The following HTR2B variants were observed in gnomAD, a reference collection of about 807,000 sequenced individuals.
HTR2B encodes the protein 5-hydroxytryptamine receptor 2B.
Under a neutral mutation model 39.8 loss-of-function variants are expected in HTR2B, and 31 were observed. The observed-to-expected ratio is 0.78, with a 90% CI of 0.58 to 1.05. HTR2B has a LOEUF of 1.05. Ranked by LOEUF, HTR2B falls within the 50% of genes least tolerant of loss-of-function variation. The pLI, the probability that HTR2B is intolerant of heterozygous loss-of-function variation, is 0.00. For synonymous variants in HTR2B, 210 were observed against 207.1 expected, an observed-to-expected ratio of 1.01 and a Z score of -0.12; for missense variants, 562 against 578.0, an observed-to-expected ratio of 0.97 and a Z score of 0.28.
chr2:231,121,879 G>T (rs1045950242), intron 2 of HTR2B, among the ~76,000 whole-genome samples: 7 of 152,210 alleles, frequency 4.6e-5, no homozygotes, highest in South Asian at 2.1e-4. Flanking sequence ...CATTTTCTGT[G>T]TGCCTAGCAA....
chr2:231,118,335 G>A (rs1695415066), intron 2 of HTR2B, among the ~76,000 whole-genome samples: 1 of 152,134 alleles, frequency 6.6e-6, no homozygotes, highest in African/African-American at 2.4e-5. Flanking sequence ...TGAAATAAGA[G>A]TGTTTGTCTT....
chr2:231,117,621 T>C (rs1695389273), intron 2 of HTR2B, among the ~76,000 whole-genome samples: 1 of 152,122 alleles, frequency 6.6e-6, no homozygotes, highest in South Asian at 2.1e-4. Flanking sequence ...AAGACTGCTT[T>C]AAATTCTGCC....
intron 3 of HTR2B, among the ~76,000 whole-genome samples, chr2:231,110,909 T>C (rs774971051): frequency 6.6e-6 from 1 of 152,234 alleles, no homozygotes; most frequent in Non-Finnish European, 1.5e-5. Context: ...TTACCCTTTA[T>C]AGAAAAAGTT....
intron 3 of HTR2B, among the ~76,000 whole-genome samples, chr2:231,110,604 T>C (rs1194066037): frequency 6.6e-6 from 1 of 152,192 alleles, no homozygotes; most frequent in East Asian, 1.9e-4. Context: ...TAAAGAGCCA[T>C]TGACAAGAAT....
chr2:231,123,660 CTG>C lies in HTR2B; in HGVS notation c.103_104del (p.Gln35AspfsTer13). On this transcript the variant is annotated frameshift_variant, in exon 2 of 4. Coordinates refer to ENST00000258400, the MANE Select transcript of HTR2B (RefSeq NM_000867.5). LOFTEE classifies it high-confidence loss of function. ...TCATTTCCTCTGGTATTGATTCTGTCTGTAATCCAGACCAGTTAGAAGAGATA... is the reference window on the plus strand; with the variant it reads ...TCATTTCCTCTGGTATTGATTCTGTCTAATCCAGACCAGTTAGAAGAGATA... Reference protein sequence around the residue: ...HVISSNWSGLQTESIPEEMKQ... With the variant: ...HVISSNWSGLXTESIPEEMKQ... 6.2e-7 allele frequency: 1 copy of C among 1,613,918 alleles called. No homozygotes were observed. The highest frequency in any genetic ancestry group is 1.3e-5 in the African/African-American group (1 of 75,018).
chr2:231,118,761 C>A (rs997929320), intron 2 of HTR2B, among the ~76,000 whole-genome samples: 1 of 152,066 alleles, frequency 6.6e-6, no homozygotes, highest in African/African-American at 2.4e-5. Flanking sequence ...AGCATCAGTC[C>A]ATAAATCTGG....
intron 2 of HTR2B, among the ~76,000 whole-genome samples, chr2:231,116,835 G>C (rs1158489776): frequency 6.6e-6 from 1 of 152,048 alleles, no homozygotes; most frequent in Non-Finnish European, 1.5e-5. Flanking sequence ...ATTTATAAGA[G>C]AGATGAATCT....
chr2:231,115,837 A>C (rs1024560090), intron 2 of HTR2B, among the ~76,000 whole-genome samples: 1 of 152,154 alleles, frequency 6.6e-6, no homozygotes, highest in Non-Finnish European at 1.5e-5. Context: ...GTACTTAGAT[A>C]TGCAGGCTCT....
intron 3 of HTR2B, among the ~76,000 whole-genome samples, chr2:231,110,234 C>T (rs1429688471): frequency 1.3e-5 from 2 of 152,066 alleles, no homozygotes; most frequent in South Asian, 2.1e-4. Flanking sequence ...GTGGGAGAAT[C>T]ACTTGAACCC....
At chr2:231,117,077 G>C (rs1045395079) in intron 2 of HTR2B, among the ~76,000 whole-genome samples, 27 of 152,080 alleles carry the variant, frequency 1.8e-4, no homozygotes, top group African/African-American at 3.1e-4. Context: ...GCTTTTCCTA[G>C]TCTAGAGACT....
At chr2:231,123,320 TTTCAAGAAAAGTAAAG>T in intron 2 of HTR2B, 77 bp downstream of exon 2, 1 of 955,952 alleles carries the variant, frequency 1.0e-6, no homozygotes, top group Non-Finnish European at 1.7e-6. Context: ...TCATCTTTTA[TTTCAAGAAAAGTAAAG>T]ATTAAATGAG....
chr2:231,110,051 G>A (rs1174018606), intron 3 of HTR2B, among the ~76,000 whole-genome samples: 3 of 152,172 alleles, frequency 2.0e-5, no homozygotes, highest in Admixed American at 6.5e-5. Context: ...GCACAGTGGC[G>A]CTCATGCCTG....
chr2:231,111,111 C>G (rs1695142742), intron 3 of HTR2B, among the ~76,000 whole-genome samples: 2 of 152,222 alleles, frequency 1.3e-5, no homozygotes, highest in African/African-American at 4.8e-5. Flanking sequence ...CTTCTCTCCA[C>G]TGTTCCAGTG....
chr2:231,113,093 A>G (rs1695211292), intron 3 of HTR2B, among the ~76,000 whole-genome samples: 1 of 152,128 alleles, frequency 6.6e-6, no homozygotes, highest in Non-Finnish European at 1.5e-5. Flanking sequence ...GAGCCCGGGA[A>G]GTCGAGGCAG....
Position 231,123,700 on chromosome 2 carries a change from G to C in HTR2B, c.65C>G (p.Thr22Ser), listed in dbSNP as rs1440481569. The C allele has an allele frequency of 6.2e-7, 1 of 1,614,054 alleles. No homozygotes were observed. Among genetic ancestry groups the C allele is most frequent in the Admixed American group, 1.7e-5 (1 of 60,024 alleles). ...GTTAGAAGAGATAACGTGAACAAAGGTGCTCTGCAAAATGTGCTCAGGAAT... is the reference window on the plus strand; with the variant it reads ...GTTAGAAGAGATAACGTGAACAAAGCTGCTCTGCAAAATGTGCTCAGGAAT... ...STIPEHILQS[T>S]FVHVISSNWS... Residue 22 changes from threonine (T) to serine (S), a missense_variant, in exon 2 of 4, where the codon ACC becomes AGC. Thr to Ser is a moderately conservative substitution (Grantham distance 58). Coordinates refer to ENST00000258400, the MANE Select transcript of HTR2B (RefSeq NM_000867.5).
chr2:231,113,912 G>A lies in HTR2B; in HGVS notation c.370C>T (p.Pro124Ser). The A allele has an allele frequency of 6.2e-7, 1 of 1,614,006 alleles. No individual in the cohort carries two copies. Among genetic ancestry groups the A allele is most frequent in the South Asian group, 1.1e-5 (1 of 91,084 alleles). The change falls in exon 3 of 4, where the codon CCA becomes TCA. Residue 124 changes from proline (P) to serine (S), a missense_variant. By Grantham distance (74) the Pro-to-Ser change is moderately conservative. Coordinates refer to ENST00000258400, the MANE Select transcript of HTR2B (RefSeq NM_000867.5). The part of the protein sequence containing the change: ...TIMFEAMWPL[P>S]LVLCPAWLFL... ...AACCAGGCAGGACATAGAACAAGTGGGAGGGGCCACATAGCCTCTGAAAGA... is the reference window on the plus strand; with the variant it reads ...AACCAGGCAGGACATAGAACAAGTGAGAGGGGCCACATAGCCTCTGAAAGA...
chr2:231,120,793 T>C (rs1176769269), intron 2 of HTR2B, among the ~76,000 whole-genome samples: 1 of 152,216 alleles, frequency 6.6e-6, no homozygotes. Context: ...GTTAATCTTT[T>C]ATCATAGAAC....
In HTR2B at chr2:231,113,998, A is replaced by C. The variant is rs367861163; in HGVS notation, c.353-69T>G. On this transcript the variant is annotated intron_variant, in intron 2 of 3. Transcript: ENST00000258400. ...GGCAACTTTCAGTCTACAGTTTTTC[A>C]GGTGATACATCTTTTGTCTTTTTTG... 66 of 1,224,752 alleles carry C rather than the reference A, an allele frequency of 5.4e-5. No individual in the cohort carries two copies. In the African/African-American group the frequency reaches 8.7e-4, roughly 16 times the overall value. The allele number at this position is 1,224,752 out of a possible 1,614,324, so 75.9% of individuals were successfully genotyped here.
At chr2:231,114,296 T>C (rs1695258154) in intron 2 of HTR2B, among the ~76,000 whole-genome samples, 1 of 152,194 alleles carries the variant, frequency 6.6e-6, no homozygotes, top group East Asian at 1.9e-4. Context: ...AATTTATTTT[T>C]AAGTAGCTGT....
Sources: gnomAD v4.1 joint callset for allele counts (sites outside exome capture counted in the v4.1 genomes callset) on GRCh38, gnomAD v4.1.1 for gene constraint, MANE v1.5 for transcripts, NCBI Gene and HGNC (gene_info 2026-07-23, HGNC 2026-07-21) for gene names.